The following MUSK variants were observed in gnomAD, a reference collection of about 807,000 sequenced individuals.
The protein encoded by MUSK is muscle associated receptor tyrosine kinase.
A neutral mutation model predicts 88.7 loss-of-function variants in MUSK; 55 were observed. The ratio of observed to expected loss-of-function variants is 0.62; its 90% confidence interval spans 0.50 to 0.78. The LOEUF is 0.78. Among genes scored for constraint, MUSK ranks in the 30% least tolerant of loss-of-function variants. The pLI, the probability that MUSK is intolerant of heterozygous loss-of-function variation, is 0.00. For missense variants in MUSK, 1,015 were observed against 1,074.3 expected (o/e 0.94, Z 0.77); for synonymous variants, 387 against 391.9 (o/e 0.99, Z 0.15).
intron 5 of MUSK, among the ~76,000 whole-genome samples, chr9:110,705,208 T>G (rs1312009910): frequency 6.6e-6 from 1 of 152,188 alleles, no homozygotes; most frequent in Non-Finnish European, 1.5e-5. Context: ...TTTTTGCAGT[T>G]CTGTTGCTCC....
At chr9:110,766,029 C>T (rs1238958367) in intron 8 of MUSK, among the ~76,000 whole-genome samples, 1 of 152,124 alleles carries the variant, frequency 6.6e-6, no homozygotes, top group Admixed American at 6.5e-5. Context: ...CTGTGCAGCA[C>T]TCACTCCTCC....
chr9:110,676,302 T>C (rs989079053), intron 1 of MUSK, among the ~76,000 whole-genome samples: 1 of 131,870 alleles, frequency 7.6e-6, no homozygotes, highest in Non-Finnish European at 1.6e-5. Context: ...TGTGTGTGTA[T>C]ATGTAAGTGT....
intron 5 of MUSK, among the ~76,000 whole-genome samples, chr9:110,732,692 G>T (rs1206993441): frequency 6.6e-6 from 1 of 151,982 alleles, no homozygotes; most frequent in Non-Finnish European, 1.5e-5. Context: ...TTTTGCTTCT[G>T]GGGGACAGAT....
intron 5 of MUSK, among the ~76,000 whole-genome samples, chr9:110,733,845 G>A (rs2076994645): frequency 1.3e-5 from 2 of 152,070 alleles, no homozygotes; most frequent in Admixed American, 1.3e-4. Context: ...GGTCTGTAAA[G>A]ACAATAATGT....
At chr9:110,675,991 A>G (rs1167952368) in intron 1 of MUSK, among the ~76,000 whole-genome samples, 1 of 152,088 alleles carries the variant, frequency 6.6e-6, no homozygotes, top group Non-Finnish European at 1.5e-5. Context: ...AGATGATTAT[A>G]CTATTAATTG....
rs767539226 is a variant in MUSK, at chr9:110,682,805, G to A, written c.206+5G>A. The A allele has an allele frequency of 6.8e-6, 11 of 1,608,882 alleles. No individual in the cohort carries two copies. Among genetic ancestry groups the A allele is most frequent in the Non-Finnish European group, 9.3e-6 (11 of 1,176,996 alleles). On this transcript the variant is annotated splice_donor_5th_base_variant and intron_variant, in intron 2 of 14. Transcript: ENST00000374448. Reference sequence around the variant, plus strand: ...TAGAAATAAAATTCTCATTAAGTAAGTATTCCACATTTTAATTTTTTTAAA... The same window carrying A: ...TAGAAATAAAATTCTCATTAAGTAAATATTCCACATTTTAATTTTTTTAAA...
chr9:110,692,341 T>G (rs1404489576), intron 3 of MUSK, among the ~76,000 whole-genome samples: 1 of 151,966 alleles, frequency 6.6e-6, no homozygotes, highest in Non-Finnish European at 1.5e-5. Flanking sequence ...ATTTATTTAT[T>G]TACTTTTTTT....
At chr9:110,755,381 A>G (rs2077297532) in intron 7 of MUSK, among the ~76,000 whole-genome samples, 2 of 152,214 alleles carry the variant, frequency 1.3e-5, no homozygotes, top group African/African-American at 2.4e-5. Flanking sequence ...ATCACTCATA[A>G]AGAGAGGTAA....
chr9:110,676,207 A>G (rs2076024936), intron 1 of MUSK, among the ~76,000 whole-genome samples: 1 of 151,764 alleles, frequency 6.6e-6, no homozygotes, highest in African/African-American at 2.4e-5. Context: ...ACAAAAATAT[A>G]AAATTACACA....
intron 1 of MUSK, among the ~76,000 whole-genome samples, chr9:110,680,133 G>T (rs976044818): frequency 6.6e-5 from 10 of 152,032 alleles, no homozygotes; most frequent in Non-Finnish European, 1.0e-4. Flanking sequence ...AGTGTTCTGA[G>T]TTTAAAATTA....
At chr9:110,680,841 C>T (rs182524330) in intron 1 of MUSK, among the ~76,000 whole-genome samples, 44 of 144,900 alleles carry the variant, frequency 3.0e-4, no homozygotes, top group African/African-American at 1.1e-3. Flanking sequence ...AAACTCCTAT[C>T]AGAGGTGTAT....
At chr9:110,725,406 T>C (rs1200979946) in intron 5 of MUSK, among the ~76,000 whole-genome samples, 2 of 152,044 alleles carry the variant, frequency 1.3e-5, no homozygotes, top group East Asian at 3.9e-4. Flanking sequence ...ATATTCTCTC[T>C]CCTTTACAAC....
intron 3 of MUSK, among the ~76,000 whole-genome samples, chr9:110,689,193 T>TATTTTATATAATATATA (rs1564216528): frequency 3.0e-4 from 7 of 22,992 alleles, no homozygotes; most frequent in African/African-American, 5.2e-4. Flanking sequence ...AAATATATCA[T>TATTTTATATAATATATA]ATATATATTC....
intron 5 of MUSK, among the ~76,000 whole-genome samples, chr9:110,702,757 G>T (rs1253057220): frequency 6.6e-6 from 1 of 152,110 alleles, no homozygotes; most frequent in Non-Finnish European, 1.5e-5. Flanking sequence ...GCCAGGTGTG[G>T]TGGTACATGC....
At chr9:110,687,740 T>C (rs1200164445) in intron 3 of MUSK, among the ~76,000 whole-genome samples, 1 of 152,026 alleles carries the variant, frequency 6.6e-6, no homozygotes, top group Non-Finnish European at 1.5e-5. Flanking sequence ...GGCCAATTAA[T>C]CCCACACCTC....
chr9:110,684,331 T>C (rs2131662051), intron 2 of MUSK, among the ~76,000 whole-genome samples: 1 of 152,206 alleles, frequency 6.6e-6, no homozygotes, highest in Middle Eastern at 3.4e-3. Flanking sequence ...CTCTGTTTTT[T>C]CCCATTGGTC....
chr9:110,763,752 T>C (rs1329270764), intron 8 of MUSK, among the ~76,000 whole-genome samples: 1 of 152,150 alleles, frequency 6.6e-6, no homozygotes, highest in Non-Finnish European at 1.5e-5. Context: ...CTTGGGGTTG[T>C]CATAACACAA....
intron 1 of MUSK, 45 bp from the exon 2 acceptor site, chr9:110,682,629 A>C (rs766435701): frequency 2.5e-6 from 4 of 1,599,144 alleles, no homozygotes; most frequent in Non-Finnish European, 3.4e-6. Flanking sequence ...GGGTTAGTAA[A>C]CAAAATTCTA....
chr9:110,682,202 A>G (rs1161663933), intron 1 of MUSK, among the ~76,000 whole-genome samples: 1 of 152,088 alleles, frequency 6.6e-6, no homozygotes, highest in Non-Finnish European at 1.5e-5. Context: ...AGTGGGCTTT[A>G]GCAATGTGCT....
Sources: allele counts gnomAD v4.1 joint callset (sites outside exome capture counted in the v4.1 genomes callset), GRCh38; gene constraint gnomAD v4.1.1; transcripts MANE v1.5; gene names NCBI Gene and HGNC (gene_info 2026-07-23, HGNC 2026-07-21).